The following PTPRT variants were observed in gnomAD, a reference collection of about 807,000 sequenced individuals.
PTPRT encodes the protein receptor-type tyrosine-protein phosphatase T.
A neutral mutation model predicts 176.8 loss-of-function variants in PTPRT; 56 were observed. The ratio of observed to expected loss-of-function variants is 0.32; its 90% CI spans 0.26 to 0.40. The LOEUF (loss-of-function observed/expected upper bound fraction) is 0.40, where lower values mean the gene tolerates loss of function less well. Ranked by LOEUF, PTPRT falls within the 10% of genes least tolerant of loss-of-function variation. The pLI, the probability that PTPRT is intolerant of heterozygous loss-of-function variation, is 1.00. For synonymous variants in PTPRT, 783 were observed against 739.0 expected (o/e 1.06, Z -0.96); for missense variants, 1,540 against 1,908.2 (o/e 0.81, Z 3.60).
downstream of PTPRT, among the ~76,000 whole-genome samples, chr20:42,068,276 T>A (rs1249063627): frequency 6.6e-6 from 1 of 152,200 alleles, no homozygotes; most frequent in Non-Finnish European, 1.5e-5. Flanking sequence ...ACTTCCCATA[T>A]ATGAAATCTG....
At chr20:42,941,414 T>C (rs1198340606) in intron 1 of PTPRT, among the ~76,000 whole-genome samples, 2 of 152,222 alleles carry the variant, frequency 1.3e-5, no homozygotes, top group Non-Finnish European at 2.9e-5. Flanking sequence ...ACTCTCCTTT[T>C]CTGTAAAATA....
chr20:42,540,492 T>C (rs111528053), intron 7 of PTPRT, among the ~76,000 whole-genome samples: 2,248 of 152,084 alleles, frequency 0.015, 55 homozygotes, highest in African/African-American at 0.052. Flanking sequence ...AGAGTGAAAG[T>C]GGAGGAAGAT....
chr20:42,639,038 C>G (rs1429082920), intron 7 of PTPRT, among the ~76,000 whole-genome samples: 1 of 152,012 alleles, frequency 6.6e-6, no homozygotes, highest in African/African-American at 2.4e-5. Context: ...TTTTAAAGAA[C>G]CTTCCCATTT....
intron 1 of PTPRT, among the ~76,000 whole-genome samples, chr20:42,927,444 C>G (rs889159753): frequency 6.6e-6 from 1 of 152,164 alleles, no homozygotes; most frequent in Non-Finnish European, 1.5e-5. Context: ...TGCCCGTAAT[C>G]CAAGCTACTT....
intron 7 of PTPRT, among the ~76,000 whole-genome samples, chr20:42,572,037 C>T (rs2145690675): frequency 6.6e-6 from 1 of 152,284 alleles, no homozygotes; most frequent in South Asian, 2.1e-4. Context: ...GCTCACAGTT[C>T]TGGGGACTGG....
At chr20:42,968,745 C>T (rs1417153743) in intron 1 of PTPRT, 1 of 152,208 alleles carries the variant, frequency 6.6e-6, no homozygotes, top group South Asian at 2.1e-4. Context: ...TTGTGGACAT[C>T]AGCTGAAGTC....
intron 27 of PTPRT, among the ~76,000 whole-genome samples, chr20:42,087,111 A>T (rs1984046577): frequency 6.6e-6 from 1 of 151,772 alleles, no homozygotes; most frequent in South Asian, 2.1e-4. Flanking sequence ...TTTAGTGAGT[A>T]GAGGAGAGGA....
chr20:42,569,685 C>G (rs564470080), intron 7 of PTPRT, among the ~76,000 whole-genome samples: 1 of 152,122 alleles, frequency 6.6e-6, no homozygotes, highest in South Asian at 2.1e-4. Flanking sequence ...GCTCTCTGCA[C>G]CAGAGCCATG....
intron 27 of PTPRT, among the ~76,000 whole-genome samples, chr20:42,094,504 C>T (rs552300897): frequency 5.9e-5 from 9 of 152,286 alleles, no homozygotes; most frequent in African/African-American, 2.2e-4. Flanking sequence ...TTCTCCACAG[C>T]TTTGATCTCC....
chr20:42,899,749 T>C (rs932548604), intron 1 of PTPRT, among the ~76,000 whole-genome samples: 1 of 152,192 alleles, frequency 6.6e-6, no homozygotes, highest in African/African-American at 2.4e-5. Flanking sequence ...TGCTCATGAA[T>C]GAATGAATGA....
intron 9 of PTPRT, among the ~76,000 whole-genome samples, chr20:42,403,415 T>C (rs1600965344): frequency 6.6e-6 from 1 of 152,310 alleles, no homozygotes; most frequent in African/African-American, 2.4e-5. Context: ...CTGTTAAGCA[T>C]ATCACAGATA....
chr20:42,446,891 C>T (rs371377689), intron 9 of PTPRT, among the ~76,000 whole-genome samples: 11 of 152,016 alleles, frequency 7.2e-5, no homozygotes, highest in South Asian at 2.1e-4. Context: ...CTGAGAGCTG[C>T]GCCAAGCTCC....
At chr20:42,295,113 T>C (rs2057369894) in intron 12 of PTPRT, among the ~76,000 whole-genome samples, 2 of 152,164 alleles carry the variant, frequency 1.3e-5, no homozygotes, top group African/African-American at 4.8e-5. Flanking sequence ...CAAGCCTCTA[T>C]ACTGAAAGAG....
chr20:42,402,542 T>C (rs1302589891), intron 9 of PTPRT, among the ~76,000 whole-genome samples: 15 of 149,884 alleles, frequency 1.0e-4, no homozygotes. Context: ...ACTTCAGTAT[T>C]GAGCCAGTTC....
chr20:42,545,313 A>G (rs971264665), intron 7 of PTPRT, among the ~76,000 whole-genome samples: 4 of 152,166 alleles, frequency 2.6e-5, no homozygotes, highest in Non-Finnish European at 4.4e-5. Flanking sequence ...AGGAGTTTTT[A>G]ATCCAGGGGT....
intron 9 of PTPRT, among the ~76,000 whole-genome samples, chr20:42,410,224 T>C (rs141436962): frequency 6.6e-6 from 1 of 151,998 alleles, no homozygotes. Flanking sequence ...AAGGAGGAAT[T>C]AATAAAAGAA....
chr20:43,049,122 AG>A (rs1315658747), intron 1 of PTPRT, among the ~76,000 whole-genome samples: 1 of 152,204 alleles, frequency 6.6e-6, no homozygotes, highest in Non-Finnish European at 1.5e-5. Flanking sequence ...ACAGAAGAAA[AG>A]AACACCAATC....
At chr20:42,810,503 C>T (rs1448974077) in intron 2 of PTPRT, among the ~76,000 whole-genome samples, 2 of 152,118 alleles carry the variant, frequency 1.3e-5, no homozygotes, top group Non-Finnish European at 2.9e-5. Context: ...CTGGAGACTC[C>T]TAGTTCATGC....
chr20:42,391,457 G>A (rs377469331), intron 9 of PTPRT, among the ~76,000 whole-genome samples: 1 of 152,110 alleles, frequency 6.6e-6, no homozygotes, highest in East Asian at 1.9e-4. Flanking sequence ...CAATGTCCTG[G>A]CGGCCAAACT....
Sources: gnomAD v4.1 joint callset for allele counts (sites outside exome capture counted in the v4.1 genomes callset) on GRCh38, gnomAD v4.1.1 for gene constraint, MANE v1.5 for transcripts, NCBI Gene and HGNC (gene_info 2026-07-23, HGNC 2026-07-21) for gene names.